LOC400499: variants seen among roughly 807,000 people sequenced by gnomAD.
chr16:11,527,115 C>CA, the LOC400499 span, among the ~76,000 whole-genome samples: 50 of 152,234 alleles, frequency 3.3e-4, no homozygotes, highest in East Asian at 3.5e-3. Flanking sequence ...TTACTCTCCG[C>CA]AGTCACTGCC....
At chr16:11,519,849 G>T in the LOC400499 span, among the ~76,000 whole-genome samples, 1 of 151,956 alleles carries the variant, frequency 6.6e-6, no homozygotes, top group Non-Finnish European at 1.5e-5. Flanking sequence ...GGGATTACAG[G>T]CATGCACCAC....
the LOC400499 span, among the ~76,000 whole-genome samples, chr16:11,482,735 GA>G: frequency 1.3e-5 from 2 of 151,690 alleles, no homozygotes; most frequent in African/African-American, 4.8e-5. Context: ...AACAAAAAGA[GA>G]AAAAAACTTA....
At chr16:11,393,207 TG>T in the LOC400499 span, among the ~76,000 whole-genome samples, 28 of 146,436 alleles carry the variant, frequency 1.9e-4, no homozygotes, top group Middle Eastern at 3.7e-3. Context: ...TTGCCCAGGC[TG>T]GTCCTGAACT....
chr16:11,401,974 C>A, the LOC400499 span: 1 of 399,076 alleles, frequency 2.5e-6, no homozygotes, highest in East Asian at 3.6e-5. Context: ...CCAAAGACCC[C>A]GCTCAGCCTG....
chr16:11,436,362 G>C, the LOC400499 span, among the ~76,000 whole-genome samples: 5 of 152,124 alleles, frequency 3.3e-5, no homozygotes, highest in African/African-American at 1.2e-4. Context: ...CAAGTGGTCA[G>C]GCTGGGGTGA....
At chr16:11,401,119 G>C in the LOC400499 span, 1 of 397,712 alleles carries the variant, frequency 2.5e-6, no homozygotes, top group South Asian at 1.4e-4. Flanking sequence ...AGATCCCCAG[G>C]CTTCAGGAAG....
the LOC400499 span, among the ~76,000 whole-genome samples, chr16:11,383,159 G>T: frequency 4.6e-5 from 7 of 151,776 alleles, no homozygotes; most frequent in Admixed American, 6.6e-5. Flanking sequence ...TCTGCCTCCT[G>T]GGTTCACGCC....
At chr16:11,465,699 G>A in the LOC400499 span, among the ~76,000 whole-genome samples, 6 of 152,148 alleles carry the variant, frequency 3.9e-5, no homozygotes, top group East Asian at 9.7e-4. Flanking sequence ...CTTGAGCCCA[G>A]GGGTTTGAGG....
At chr16:11,451,255 C>G in the LOC400499 span, among the ~76,000 whole-genome samples, 1 of 152,182 alleles carries the variant, frequency 6.6e-6, no homozygotes, top group Non-Finnish European at 1.5e-5. Context: ...TACCATTCAT[C>G]CAACTCTTCT....
At chr16:11,448,292 G>A in the LOC400499 span, among the ~76,000 whole-genome samples, 1 of 152,204 alleles carries the variant, frequency 6.6e-6, no homozygotes, top group Admixed American at 6.5e-5. Flanking sequence ...AGGTACCCGG[G>A]GGAAAGAAGA....
the LOC400499 span, chr16:11,414,357 C>T: frequency 1.0e-5 from 4 of 399,402 alleles, no homozygotes; most frequent in Middle Eastern, 6.3e-4. Context: ...TGGTGAAGGG[C>T]AGGCCCAGCC....
chr16:11,433,346 C>G, the LOC400499 span, among the ~76,000 whole-genome samples: 2 of 152,174 alleles, frequency 1.3e-5, no homozygotes, highest in East Asian at 3.8e-4. Flanking sequence ...TATCTAGGAC[C>G]ATGTCCACAG....
the LOC400499 span, among the ~76,000 whole-genome samples, chr16:11,518,142 G>T: frequency 6.6e-6 from 1 of 152,318 alleles, no homozygotes; most frequent in South Asian, 2.1e-4. Flanking sequence ...AGGAGCTGGG[G>T]GACAATAGTC....
chr16:11,397,937 G>T, the LOC400499 span, among the ~76,000 whole-genome samples: 155 of 152,250 alleles, frequency 1.0e-3, no homozygotes, highest in Non-Finnish European at 1.5e-3. Context: ...TAAAGGAATG[G>T]ATGGATGGGT....
the LOC400499 span, among the ~76,000 whole-genome samples, chr16:11,443,105 C>G: frequency 2.6e-5 from 4 of 152,090 alleles, no homozygotes; most frequent in Middle Eastern, 3.4e-3. Flanking sequence ...CGGGGGATCA[C>G]CTGAGGTCAG....
At chr16:11,502,436 T>C in the LOC400499 span, among the ~76,000 whole-genome samples, 1 of 152,234 alleles carries the variant, frequency 6.6e-6, no homozygotes, top group Non-Finnish European at 1.5e-5. Flanking sequence ...GCACCTACTA[T>C]GTGCCTTGCA....
At chr16:11,440,039 G>C in the LOC400499 span, among the ~76,000 whole-genome samples, 7 of 152,084 alleles carry the variant, frequency 4.6e-5, no homozygotes, top group Admixed American at 4.6e-4. Flanking sequence ...CTAGTTAACA[G>C]TGGAACTTGG....
chr16:11,478,296 G>C, the LOC400499 span, among the ~76,000 whole-genome samples: 27 of 151,440 alleles, frequency 1.8e-4, no homozygotes, highest in Non-Finnish European at 4.0e-4. Context: ...CCAAAGTGCT[G>C]GGATTACAGG....
the LOC400499 span, among the ~76,000 whole-genome samples, chr16:11,411,506 T>C: frequency 2.6e-5 from 4 of 152,210 alleles, no homozygotes; most frequent in African/African-American, 9.6e-5. Context: ...TACGGTGCCC[T>C]GGTTAGGGCT....
Sources: gnomAD v4.1 joint callset for allele counts (sites outside exome capture counted in the v4.1 genomes callset) on GRCh38, gnomAD v4.1.1 for gene constraint, MANE v1.5 for transcripts.